RAD50: variants seen among roughly 807,000 people sequenced by gnomAD.
RAD50 encodes the protein DNA repair protein RAD50.
RAD50 carries 132 observed loss-of-function variants against 168.8 expected under a neutral mutation model. That is an observed-to-expected ratio of 0.78 (90% CI 0.68 to 0.90). RAD50 has a LOEUF of 0.90. RAD50 is among the 40% of genes least tolerant of loss of function. The pLI is 0.00. For synonymous variants in RAD50, 525 were observed against 497.4 expected (o/e 1.06, Z -0.74); for missense variants, 1,347 against 1,534.4 (o/e 0.88, Z 2.04).
At position 132,575,844 on chromosome 5, in the gene RAD50, T is replaced by C. The variant is rs768127412; in HGVS notation, c.281T>C (p.Ile94Thr). The change falls in exon 3 of 25, where the codon ATA (isoleucine) becomes ACA (threonine). Residue 94 changes from isoleucine (I) to threonine (T), a missense_variant. Coordinates refer to ENST00000378823, the MANE Select transcript of RAD50 (RefSeq NM_005732.4). ...TTTCGTGATGTCAATGGAGAACTTA[T>C]AGCTGTGCAAAGATCTATGGTGTGT... ...LQFRDVNGEL[I>T]AVQRSMVCTQ... 4.4e-5 allele frequency: 71 copies of C among 1,603,032 alleles called. No individual in the cohort carries two copies. Among genetic ancestry groups the C allele is most frequent in the South Asian group, 1.7e-4 (15 of 90,860 alleles).
rs559722341 is a variant in RAD50, at chr5:132,577,900, C to T, written c.366-1417C>T. ...TGAAATCTCAGCTCACTGCAACCTCCGCCTCCCGGGTTTAAGCGATTCTCC... is the reference window on the plus strand; with the variant it reads ...TGAAATCTCAGCTCACTGCAACCTCTGCCTCCCGGGTTTAAGCGATTCTCC... On this transcript the variant is annotated intron_variant, in intron 3 of 24. Transcript: ENST00000378823. Among the ~76,000 whole-genome samples the T allele has an allele frequency of 4.0e-5, 6 of 150,398 alleles. No homozygotes were observed. The East Asian group carries it at 5.8e-4, about 15-fold the overall frequency.
chr5:132,632,640 A>C (rs772135366), intron 21 of RAD50, among the ~76,000 whole-genome samples: 2 of 152,266 alleles, frequency 1.3e-5, no homozygotes, highest in Non-Finnish European at 2.9e-5. Context: ...GCTACTACAG[A>C]TAATGCTGCA....
intron 13 of RAD50, among the ~76,000 whole-genome samples, chr5:132,598,641 A>G (rs889051573): frequency 6.6e-6 from 1 of 152,176 alleles, no homozygotes; most frequent in East Asian, 1.9e-4. Context: ...GATGGCTCAC[A>G]TGACTGACAG....
At position 132,608,238 on chromosome 5, in the gene RAD50, A is replaced by G. The variant is rs1751018599; in HGVS notation, c.2719-377A>G. ...GTGACGGGCACCTATAAAATCATGA[A>G]AACTCATGCTTGAAGCCACACGCTA... On this transcript the variant is annotated intron_variant, in intron 16 of 24. Transcript: ENST00000378823. Among the ~76,000 whole-genome samples, 3 of 152,232 alleles carry G rather than the reference A, an allele frequency of 2.0e-5. No homozygotes were observed. In the South Asian group the frequency reaches 6.2e-4, roughly 31 times the overall value.
At chr5:132,618,458 A>G (rs1160696826) in intron 21 of RAD50, among the ~76,000 whole-genome samples, 164 bp downstream of exon 21, 1 of 151,980 alleles carries the variant, frequency 6.6e-6, no homozygotes, top group Non-Finnish European at 1.5e-5. Context: ...AGCTCACTGC[A>G]ACCTCTGCCT....
chr5:132,568,283 C>T (rs1006308537), intron 2 of RAD50, among the ~76,000 whole-genome samples: 1 of 151,868 alleles, frequency 6.6e-6, no homozygotes, highest in African/African-American at 2.4e-5. Context: ...CGGGGTTTCA[C>T]CATATTAGCC....
chr5:132,633,090 C>T (rs1007717271), intron 21 of RAD50, among the ~76,000 whole-genome samples: 3 of 140,114 alleles, frequency 2.1e-5, no homozygotes, highest in Admixed American at 7.1e-5. Flanking sequence ...AATTTTCTTT[C>T]GTTTTTTCTT....
At position 132,591,325 on chromosome 5, in the gene RAD50, G is replaced by A. The variant is rs148214481; in HGVS notation, c.1554G>A (p.Leu518=). Residue 518 remains leucine, a synonymous_variant, in exon 10 of 25, where the codon CTG becomes CTA. Coordinates refer to ENST00000378823, the MANE Select transcript of RAD50 (RefSeq NM_005732.4). ...QNEKADLDRT[L]RKLDQEMEQL... is the part of the protein sequence containing the mutation. ...AAAAAGCAGACTTAGACAGGACCCTGCGTAAACTTGACCAGGAGATGGAGC... is the reference window on the plus strand; with the variant it reads ...AAAAAGCAGACTTAGACAGGACCCTACGTAAACTTGACCAGGAGATGGAGC... The A allele has an allele frequency of 1.2e-6, 2 of 1,613,752 alleles. No homozygotes were observed. Among genetic ancestry groups the A allele is most frequent in the Admixed American group, 1.7e-5 (1 of 60,010 alleles).
intron 11 of RAD50, chr5:132,593,431 C>T (rs1339649805): frequency 3.9e-5 from 6 of 152,182 alleles, no homozygotes; most frequent in African/African-American, 9.7e-5. Flanking sequence ...TCATATTTTG[C>T]AAATTAAGTA....
intron 21 of RAD50, among the ~76,000 whole-genome samples, chr5:132,635,256 G>A (rs565672160): frequency 5.3e-5 from 8 of 152,242 alleles, no homozygotes; most frequent in South Asian, 4.1e-4. Flanking sequence ...CAGTATTGTC[G>A]TAAGGATTAA....
In RAD50 at chr5:132,642,552, C is replaced by A; in HGVS notation, c.*188C>A. On this transcript the variant is annotated 3_prime_UTR_variant, in exon 25 of 25. Transcript: ENST00000378823. ...GTTTCACTGAAAATTGGACAGATTG[C>A]CTGTTTCTGATTTGCTGCTCTTCAT... The A allele has an allele frequency of 1.6e-6, 1 of 643,164 alleles. No homozygotes were observed. Among genetic ancestry groups the A allele is most frequent in the Non-Finnish European group, 2.6e-6 (1 of 380,908 alleles). 39.8% of individuals were successfully genotyped at this position (643,164 alleles called of 1,614,324 possible). A position where few individuals can be genotyped will look rare whatever the true frequency, so the allele number is the denominator to read the frequency against.
chr5:132,610,419 AATTTC>A (rs1388471315), intron 19 of RAD50, among the ~76,000 whole-genome samples: 10 of 152,172 alleles, frequency 6.6e-5, no homozygotes, highest in Non-Finnish European at 1.5e-4. Flanking sequence ...TAAAGAAATT[AATTTC>A]TATAGTATAA....
intron 19 of RAD50, 139 bp downstream of exon 19, chr5:132,609,535 A>C (rs1313737849): frequency 7.2e-7 from 1 of 1,393,230 alleles, no homozygotes; most frequent in Non-Finnish European, 9.6e-7. Context: ...TAATCCCTGC[A>C]CTTTGGAAGG....
chr5:132,614,157 C>A (rs886334785), intron 19 of RAD50, among the ~76,000 whole-genome samples: 1 of 152,118 alleles, frequency 6.6e-6, no homozygotes, highest in Non-Finnish European at 1.5e-5. Flanking sequence ...GTAGACAGAC[C>A]AGCAACAATA....
At chr5:132,578,108 C>T (rs558890323) in intron 3 of RAD50, among the ~76,000 whole-genome samples, 44 of 152,252 alleles carry the variant, frequency 2.9e-4, no homozygotes, top group Non-Finnish European at 5.7e-4. Flanking sequence ...CCACCGCGCC[C>T]AGCCCCATCT....
chr5:132,638,395 C>G, intron 23 of RAD50, 172 bp downstream of exon 23: 1 of 757,574 alleles, frequency 1.3e-6, no homozygotes, highest in Non-Finnish European at 2.2e-6. Context: ...TGAAGCTAAC[C>G]AACATTTCCT....
chr5:132,637,619 T>G (rs147176620), intron 22 of RAD50, among the ~76,000 whole-genome samples: 1 of 151,622 alleles, frequency 6.6e-6, no homozygotes, highest in African/African-American at 2.4e-5. Flanking sequence ...AACCTCCACC[T>G]CCTGGGTTCA....
rs1406003875 is a variant in RAD50, at chr5:132,644,519, G to T, written c.*2155G>T. The T allele has an allele frequency of 1.7e-5, 3 of 180,808 alleles. No homozygotes were observed. The highest frequency in any genetic ancestry group is 3.5e-5 in the Non-Finnish European group (3 of 84,728). The allele number at this position is 180,808 out of a possible 1,614,324, so 11.2% of individuals were successfully genotyped here. On this transcript the variant is annotated 3_prime_UTR_variant, in exon 25 of 25. Transcript: ENST00000378823. ...GGGTAAAATGGTACATATTTTGTAG[G>T]GTTGTTATGAAGATTGAATGACATT...
chr5:132,635,383 C>T (rs1751560129), intron 21 of RAD50, among the ~76,000 whole-genome samples: 1 of 152,228 alleles, frequency 6.6e-6, no homozygotes, highest in African/African-American at 2.4e-5. Context: ...TTAGTCATCC[C>T]CATCTCTTAC....
Sources: allele counts gnomAD v4.1 joint callset (sites outside exome capture counted in the v4.1 genomes callset), GRCh38; gene constraint gnomAD v4.1.1; transcripts MANE v1.5; gene names NCBI Gene and HGNC (gene_info 2026-07-23, HGNC 2026-07-21).